Variants in STRN3 observed in about 807,000 individuals in gnomAD.
The protein encoded by STRN3 is striatin-3.
Under a neutral mutation model 95.6 loss-of-function variants are expected in STRN3, and 29 were observed. That is an observed-to-expected ratio of 0.30 (90% CI 0.23 to 0.41). The LOEUF is 0.41. STRN3 is among the 10% of genes least tolerant of loss of function. STRN3 has a pLI of 1.00. For synonymous variants in STRN3, 331 were observed against 357.6 expected, an observed-to-expected ratio of 0.93 and a Z score of 0.84; for missense variants, 890 against 972.1, an observed-to-expected ratio of 0.92 and a Z score of 1.12.
chr14:30,912,726 T>A (rs371749955), intron 10 of STRN3, among the ~76,000 whole-genome samples: 1 of 152,116 alleles, frequency 6.6e-6, no homozygotes, highest in South Asian at 2.1e-4. Context: ...CATTTCTCCA[T>A]CTGTAAAGAT....
intron 5 of STRN3, among the ~76,000 whole-genome samples, chr14:30,946,386 T>C (rs186462085): frequency 1.3e-5 from 2 of 150,888 alleles, no homozygotes; most frequent in East Asian, 3.9e-4. Flanking sequence ...CCACAAAAAA[T>C]AAAAAAAATT....
chr14:31,019,886 CTTTT>C (rs67956918), intron 1 of STRN3, among the ~76,000 whole-genome samples: 2 of 143,048 alleles, frequency 1.4e-5, no homozygotes, highest in African/African-American at 2.6e-5. Flanking sequence ...CACTCATTTT[CTTTT>C]TTTTTTTTTT....
chr14:31,026,008 G>A lies in STRN3; in HGVS notation c.178C>T (p.Pro60Ser), dbSNP rs1350848810. 3 of 1,551,554 alleles carry A rather than the reference G, an allele frequency of 1.9e-6. No homozygotes were observed. The highest frequency in any genetic ancestry group is 3.9e-5 in the Admixed American group (2 of 51,186). Residue 60 changes from proline to serine, a missense_variant, in exon 1 of 18, where the codon CCG becomes TCG. Physicochemically the swap from Pro to Ser is moderately conservative, Grantham distance 74. This residue lies in a region of STRN3 where 526 missense variants were observed against 526.3 expected (regional missense o/e 1.00). Coordinates refer to ENST00000357479, the MANE Select transcript of STRN3 (RefSeq NM_001083893.2). The part of the protein sequence containing the change: ...GPAAGPELSR[P>S]QQYTIPGILH... ...ATCCCCGGGATAGTGTACTGCTGCG[G>A]CCGGGACAGCTCGGGGCCTGCCGCG...
At chr14:30,981,003 T>C (rs1344505100) in intron 1 of STRN3, among the ~76,000 whole-genome samples, 1 of 152,154 alleles carries the variant, frequency 6.6e-6, no homozygotes, top group Non-Finnish European at 1.5e-5. Flanking sequence ...ATAACACCAC[T>C]ACTCAAAAAC....
intron 1 of STRN3, among the ~76,000 whole-genome samples, chr14:30,957,227 G>GAT: frequency 6.6e-6 from 1 of 152,182 alleles, no homozygotes; most frequent in East Asian, 1.9e-4. Context: ...GGCCGAGGCG[G>GAT]GTGGATCACG....
chr14:30,945,963 T>C (rs948878418), intron 5 of STRN3, among the ~76,000 whole-genome samples: 2 of 152,154 alleles, frequency 1.3e-5, no homozygotes, highest in African/African-American at 4.8e-5. Context: ...CTAAAAACTA[T>C]TAAATCGTAT....
intron 5 of STRN3, 111 bp downstream of exon 5, chr14:30,946,979 C>CAA (rs569011885): frequency 5.1e-3 from 2,261 of 444,564 alleles, no homozygotes; most frequent in Middle Eastern, 6.6e-3. Context: ...GACTCCGTGT[C>CAA]AAAAAAAAAA....
intron 1 of STRN3, among the ~76,000 whole-genome samples, chr14:30,994,548 T>C (rs1001356546): frequency 6.6e-6 from 1 of 151,810 alleles, no homozygotes; most frequent in Admixed American, 6.6e-5. Flanking sequence ...ACTAAAAACA[T>C]AAAACCAAAT....
intron 1 of STRN3, among the ~76,000 whole-genome samples, chr14:30,978,038 A>G (rs890963499): frequency 1.3e-5 from 2 of 152,320 alleles, no homozygotes; most frequent in Admixed American, 1.3e-4. Flanking sequence ...AAAAATAAAA[A>G]GCATCATGCA....
intron 1 of STRN3, among the ~76,000 whole-genome samples, chr14:30,982,951 A>G (rs1881484260): frequency 1.3e-5 from 2 of 152,166 alleles, no homozygotes; most frequent in South Asian, 4.1e-4. Flanking sequence ...CCTTTAATCT[A>G]TAATAAAAGT....
At chr14:31,001,041 G>A (rs534177042) in intron 1 of STRN3, among the ~76,000 whole-genome samples, 1 of 152,208 alleles carries the variant, frequency 6.6e-6, no homozygotes, top group South Asian at 2.1e-4. Context: ...TGAGGCAGAG[G>A]GGGTAGGGCT....
rs1375588135 is a variant in STRN3, at chr14:31,026,107, T to TC, written c.78dup (p.Asn27GlufsTer119). The TC allele has an allele frequency of 1.3e-6, 2 of 1,510,830 alleles. No individual in the cohort carries two copies. The highest frequency in any genetic ancestry group is 1.8e-6 in the Non-Finnish European group (2 of 1,133,784). 93.6% of individuals were successfully genotyped at this position (1,510,830 alleles called of 1,614,324 possible). On this transcript the variant is annotated frameshift_variant, in exon 1 of 18. Transcript: ENST00000357479. LOFTEE classifies it high-confidence loss of function. ...TTCCCCCCGGGCGAAAGGCCCAGGT[T>TC]CCCCCCAGGTCCCTGCTGCTGCCGG...
intron 1 of STRN3, among the ~76,000 whole-genome samples, chr14:30,978,453 G>A (rs1881223492): frequency 6.6e-6 from 1 of 152,026 alleles, no homozygotes; most frequent in African/African-American, 2.4e-5. Context: ...CAGGAATAAG[G>A]GGAACACCCT....
intron 1 of STRN3, among the ~76,000 whole-genome samples, chr14:31,013,453 G>A (rs910586756): frequency 6.6e-6 from 1 of 151,882 alleles, no homozygotes; most frequent in Non-Finnish European, 1.5e-5. Context: ...GAAAACATTT[G>A]CTTTCATCTA....
chr14:31,025,931 G>C lies in STRN3; in HGVS notation c.255C>G (p.His85Gln), dbSNP rs779726846. Reference sequence around the variant, plus strand: ...GCAGTTCGGCCCGTTCCACCTCCCAGTGCGCCCGCTCCATCTCGAACCGAG... The same window carrying C: ...GCAGTTCGGCCCGTTCCACCTCCCACTGCGCCCGCTCCATCTCGAACCGAG... ...EWARFEMERA[H>Q]WEVERAELQA... Residue 85 changes from histidine (H) to glutamine (Q), a missense_variant, in exon 1 of 18, where the codon CAC (histidine) becomes CAG (glutamine). Coordinates refer to ENST00000357479, the MANE Select transcript of STRN3 (RefSeq NM_001083893.2). 1.2e-6 allele frequency: 2 copies of C among 1,601,112 alleles called. No individual in the cohort carries two copies. Among genetic ancestry groups the C allele is most frequent in the Non-Finnish European group, 1.7e-6 (2 of 1,174,260 alleles).
intron 1 of STRN3, among the ~76,000 whole-genome samples, chr14:30,993,351 A>G (rs1178374930): frequency 1.3e-5 from 2 of 152,184 alleles, no homozygotes; most frequent in Non-Finnish European, 2.9e-5. Flanking sequence ...TAGGGAGAAC[A>G]TGACTATTTC....
chr14:30,936,563 C>T lies in STRN3; in HGVS notation c.778G>A (p.Asp260Asn). Reference sequence around the variant, plus strand: ...CCTTCGATCATGTCATTTTCCTCATCTTCATCACTGTCATCGGCATTTTCT... The same window carrying T: ...CCTTCGATCATGTCATTTTCCTCATTTTCATCACTGTCATCGGCATTTTCT... ...FLENADDSDE[D>N]EENDMIEGIP... The change falls in exon 6 of 18, where the codon GAT becomes AAT. Residue 260 changes from aspartate to asparagine, a missense_variant. Transcript: ENST00000357479. 1 of 1,613,818 alleles carries T rather than the reference C, an allele frequency of 6.2e-7. No homozygotes were observed. The highest frequency in any genetic ancestry group is 1.7e-4 in the Middle Eastern group (1 of 6,056).
In STRN3 at chr14:30,910,844, G is replaced by C. The variant is rs535401522; in HGVS notation, c.1720+197C>G. ...TATAGTTTTTTAAACAACAGAGAAA[G>C]TATCAATTCATAGGCTTAAATACCC... On this transcript the variant is annotated intron_variant, in intron 13 of 17. Coordinates refer to ENST00000357479, the MANE Select transcript of STRN3 (RefSeq NM_001083893.2). Among the ~76,000 whole-genome samples the C allele has an allele frequency of 2.4e-4, 37 of 152,096 alleles. No individual in the cohort carries two copies. The South Asian group carries it at 7.7e-3, about 32-fold the overall frequency.
chr14:30,920,317 T>C (rs1205490142), intron 8 of STRN3, among the ~76,000 whole-genome samples: 3 of 152,148 alleles, frequency 2.0e-5, no homozygotes, highest in African/African-American at 4.8e-5. Context: ...TAACTAATAA[T>C]AATGAAGAAA....
Sources: gnomAD v4.1 joint callset for allele counts (sites outside exome capture counted in the v4.1 genomes callset) on GRCh38, gnomAD v4.1.1 for gene constraint, gnomAD v4.1.1 regional missense constraint, MANE v1.5 for transcripts, NCBI Gene and HGNC (gene_info 2026-07-23, HGNC 2026-07-21) for gene names.